SRGAP3: variants seen among roughly 807,000 people sequenced by gnomAD.
The protein encoded by SRGAP3 is SLIT-ROBO Rho GTPase activating protein 3.
A neutral mutation model predicts 121.1 loss-of-function variants in SRGAP3; 39 were observed. The ratio of observed to expected loss-of-function variants is 0.32; its 90% CI spans 0.25 to 0.42. SRGAP3 has a LOEUF of 0.42. Among genes scored for constraint, SRGAP3 ranks in the 10% least tolerant of loss-of-function variants. The probability of loss-of-function intolerance (pLI) is 1.00; values close to 1 mark genes in which losing one functional copy is unlikely to be tolerated. For synonymous variants in SRGAP3, 601 were observed against 570.0 expected (o/e 1.05, Z -0.77); for missense variants, 1,213 against 1,470.6 (o/e 0.82, Z 2.86).
At chr3:9,282,812 T>C (rs1954704554) in intron 3 of SRGAP3, among the ~76,000 whole-genome samples, 1 of 152,046 alleles carries the variant, frequency 6.6e-6, no homozygotes, top group South Asian at 2.1e-4. Context: ...AATAAGGGTA[T>C]GAAGAAAATA....
At chr3:9,207,549 A>T (rs2125170278) in intron 1 of SRGAP3, among the ~76,000 whole-genome samples, 1 of 152,240 alleles carries the variant, frequency 6.6e-6, no homozygotes, top group South Asian at 2.1e-4. Context: ...GTGTATTAGG[A>T]TGTGCTGTTA....
At chr3:9,275,735 T>A (rs1198370821) in intron 3 of SRGAP3, among the ~76,000 whole-genome samples, 5 of 152,224 alleles carry the variant, frequency 3.3e-5, no homozygotes, top group African/African-American at 9.6e-5. Flanking sequence ...TTGTGAGGCC[T>A]ACCCCATCAC....
At chr3:9,308,003 A>G (rs1385092891) in intron 3 of SRGAP3, among the ~76,000 whole-genome samples, 3 of 152,188 alleles carry the variant, frequency 2.0e-5, no homozygotes, top group Non-Finnish European at 4.4e-5. Flanking sequence ...AAAAATACAA[A>G]AATTAGCTGG....
chr3:9,263,480 CTAATAAACA>C (rs1464991573), intron 3 of SRGAP3, among the ~76,000 whole-genome samples: 1 of 151,840 alleles, frequency 6.6e-6, no homozygotes, highest in Non-Finnish European at 1.5e-5. Context: ...GCTAGCCAGG[CTAATAAACA>C]AGAAAAGAGA....
At chr3:9,312,763 A>G (rs1477191592) in intron 3 of SRGAP3, among the ~76,000 whole-genome samples, 1 of 152,070 alleles carries the variant, frequency 6.6e-6, no homozygotes, top group Non-Finnish European at 1.5e-5. Flanking sequence ...GTTGGGGGGA[A>G]TGCTGGAGGC....
intron 3 of SRGAP3, among the ~76,000 whole-genome samples, chr3:9,276,574 C>A (rs936395237): frequency 6.6e-6 from 1 of 152,092 alleles, no homozygotes; most frequent in African/African-American, 2.4e-5. Flanking sequence ...TATAGGCACA[C>A]ACCACCACAC....
At chr3:9,226,169 G>A (rs895110043) in intron 1 of SRGAP3, among the ~76,000 whole-genome samples, 1 of 152,230 alleles carries the variant, frequency 6.6e-6, no homozygotes, top group Non-Finnish European at 1.5e-5. Flanking sequence ...CAGGGGTGGG[G>A]TAGAGGCAGT....
chr3:9,072,530 G>A lies in SRGAP3; in HGVS notation c.486+7495C>T, dbSNP rs933686172. Among the ~76,000 whole-genome samples, 5 of 152,344 alleles carry A rather than the reference G, an allele frequency of 3.3e-5. No homozygotes were observed. The South Asian group carries it at 1.0e-3, about 32-fold the overall frequency. On this transcript the variant is annotated intron_variant, in intron 4 of 21. Coordinates refer to ENST00000383836, the MANE Select transcript of SRGAP3 (RefSeq NM_014850.4). ...ACCAGTTCCGTCCCTGGATGACACT[G>A]TGCACACACCCTGGCTGGCAGGCTG...
At chr3:9,084,333 G>A (rs1412295189) in intron 3 of SRGAP3, among the ~76,000 whole-genome samples, 1 of 152,184 alleles carries the variant, frequency 6.6e-6, no homozygotes, top group African/African-American at 2.4e-5. Flanking sequence ...TGTGTTATTA[G>A]TCCAGAGGTG....
chr3:9,260,003 G>A (rs1276670316), intron 3 of SRGAP3, among the ~76,000 whole-genome samples: 2 of 151,980 alleles, frequency 1.3e-5, no homozygotes, highest in African/African-American at 4.8e-5. Flanking sequence ...CAGAGGGCAA[G>A]CAGAAGCAGG....
At chr3:9,164,029 C>T (rs1950695131) in intron 1 of SRGAP3, among the ~76,000 whole-genome samples, 1 of 114,834 alleles carries the variant, frequency 8.7e-6, no homozygotes, top group Non-Finnish European at 1.7e-5. Flanking sequence ...CAGAGTTTCA[C>T]TCTTGTTGCC....
intron 2 of SRGAP3, among the ~76,000 whole-genome samples, chr3:9,123,896 C>A (rs1445917927): frequency 6.6e-6 from 1 of 151,670 alleles, no homozygotes; most frequent in Non-Finnish European, 1.5e-5. Flanking sequence ...TTGAGGGCCA[C>A]CAGCTGGAGA....
intron 3 of SRGAP3, among the ~76,000 whole-genome samples, chr3:9,102,533 G>T (rs919998783): frequency 1.3e-5 from 2 of 152,176 alleles, no homozygotes; most frequent in Non-Finnish European, 2.9e-5. Flanking sequence ...AGGTCTGCGG[G>T]AACTATTATT....
At chr3:9,152,797 T>C (rs1243074374) in intron 1 of SRGAP3, among the ~76,000 whole-genome samples, 5 of 152,208 alleles carry the variant, frequency 3.3e-5, no homozygotes. Flanking sequence ...TCCTTGGCTG[T>C]CAGCCTTCTA....
At chr3:9,208,794 A>G (rs1450589674) in intron 1 of SRGAP3, among the ~76,000 whole-genome samples, 1 of 152,232 alleles carries the variant, frequency 6.6e-6, no homozygotes, top group Non-Finnish European at 1.5e-5. Flanking sequence ...CATCTGCTGT[A>G]TGATGTTGAG....
At chr3:9,030,153 A>G (rs530632420) in intron 12 of SRGAP3, among the ~76,000 whole-genome samples, 2 of 148,246 alleles carry the variant, frequency 1.3e-5, no homozygotes, top group Admixed American at 6.7e-5. Context: ...CTGCCTCAAT[A>G]AATGAATGAA....
intron 3 of SRGAP3, among the ~76,000 whole-genome samples, chr3:9,290,931 T>C (rs145737293): frequency 6.6e-6 from 1 of 152,276 alleles, no homozygotes; most frequent in East Asian, 1.9e-4. Flanking sequence ...ACTTTTGTTG[T>C]GGTGGTAGTG....
chr3:9,014,207 T>C, intron 15 of SRGAP3: 1 of 347,086 alleles, frequency 2.9e-6, no homozygotes. Context: ...GGACGGGGCA[T>C]ATATCTGCTG....
intron 3 of SRGAP3, among the ~76,000 whole-genome samples, chr3:9,259,167 C>G (rs9312036): frequency 0.21 from 32,654 of 152,090 alleles, 4,063 homozygotes; most frequent in African/African-American, 0.34. Flanking sequence ...ACAGGCCCAC[C>G]CAGACCACCC....
Sources: allele counts gnomAD v4.1 joint callset (sites outside exome capture counted in the v4.1 genomes callset), GRCh38; gene constraint gnomAD v4.1.1; transcripts MANE v1.5; gene names NCBI Gene and HGNC (gene_info 2026-07-23, HGNC 2026-07-21).